FAR1: variants seen among roughly 807,000 people sequenced by gnomAD.
The protein encoded by FAR1 is fatty acyl-CoA reductase 1.
A neutral mutation model predicts 61.1 loss-of-function variants in FAR1; 22 were observed. That is an observed-to-expected ratio of 0.36 (90% CI 0.26 to 0.51). The LOEUF (loss-of-function observed/expected upper bound fraction) is 0.51, where lower values mean the gene tolerates loss of function less well. FAR1 is among the 20% of genes least tolerant of loss of function. The probability of loss-of-function intolerance (pLI) is 0.95; values close to 1 mark genes in which losing one functional copy is unlikely to be tolerated. For missense variants in FAR1, 359 were observed against 626.9 expected (o/e 0.57, Z 4.56); for synonymous variants, 206 against 209.7 (o/e 0.98, Z 0.15).
At chr11:13,682,836 T>C (rs1394075272) in intron 1 of FAR1, among the ~76,000 whole-genome samples, 1 of 152,034 alleles carries the variant, frequency 6.6e-6, no homozygotes, top group East Asian at 1.9e-4. Context: ...GGTCTCAAAC[T>C]CACGGGCTCA....
At chr11:13,711,156 G>A (rs1177017033) in intron 5 of FAR1, 6 of 355,962 alleles carry the variant, frequency 1.7e-5, no homozygotes, top group Non-Finnish European at 3.0e-5. Flanking sequence ...TTTCTTAGTA[G>A]CAAAAAGAGG....
rs762067788 is a variant in FAR1, at chr11:13,728,807, A to G, written c.*33A>G. 8 of 1,565,974 alleles carry G rather than the reference A, an allele frequency of 5.1e-6. No individual in the cohort carries two copies. The South Asian group carries it at 6.9e-5, about 14-fold the overall frequency. The stretch of plus-strand genomic sequence containing the variant: ...GGATTCAGCATTAGAACATCTATAC[A>G]TATGGTGATCTAAATGTACAAAATG... On this transcript the variant is annotated 3_prime_UTR_variant, in exon 12 of 12. Transcript: ENST00000354817.
chr11:13,708,951 C>G (rs1302310204), intron 4 of FAR1, among the ~76,000 whole-genome samples: 1 of 152,172 alleles, frequency 6.6e-6, no homozygotes, highest in African/African-American at 2.4e-5. Flanking sequence ...TGACCTTATT[C>G]TCATTTGCTG....
chr11:13,718,314 C>G (rs544900027), intron 9 of FAR1, among the ~76,000 whole-genome samples: 1 of 152,266 alleles, frequency 6.6e-6, no homozygotes, highest in East Asian at 1.9e-4. Context: ...TCAAATAGTT[C>G]ATTTTTTTAA....
chr11:13,711,351 G>C (rs907189861), intron 5 of FAR1, among the ~76,000 whole-genome samples: 96 of 152,028 alleles, frequency 6.3e-4, no homozygotes, highest in Non-Finnish European at 1.2e-3. Context: ...TTGTTGCTTT[G>C]ACAATTATTC....
At chr11:13,692,011 T>A (rs572627200) in intron 1 of FAR1, among the ~76,000 whole-genome samples, 1 of 152,046 alleles carries the variant, frequency 6.6e-6, no homozygotes, top group East Asian at 1.9e-4. Context: ...CTACTAAAAA[T>A]ACAAAAATTA....
At chr11:13,699,979 CTA>C (rs1302661983) in intron 2 of FAR1, among the ~76,000 whole-genome samples, 1 of 152,066 alleles carries the variant, frequency 6.6e-6, no homozygotes, top group East Asian at 1.9e-4. Flanking sequence ...GTCCTAATGT[CTA>C]TATTGCTGAA....
At chr11:13,692,711 T>C (rs1276534367) in intron 1 of FAR1, among the ~76,000 whole-genome samples, 4 of 152,232 alleles carry the variant, frequency 2.6e-5, no homozygotes, top group Non-Finnish European at 5.9e-5. Flanking sequence ...TTTAATAGTC[T>C]ATTTATTTAC....
chr11:13,708,446 C>CGT (rs1848460937), intron 4 of FAR1, among the ~76,000 whole-genome samples: 2 of 101,098 alleles, frequency 2.0e-5, no homozygotes, highest in African/African-American at 3.4e-5. Flanking sequence ...CGCGCGCGCG[C>CGT]GCACACACAC....
At chr11:13,703,496 C>T (rs1038072913) in intron 3 of FAR1, among the ~76,000 whole-genome samples, 2 of 152,164 alleles carry the variant, frequency 1.3e-5, no homozygotes, top group African/African-American at 2.4e-5. Context: ...AAGCCCAATA[C>T]CTTGGGAGAG....
At chr11:13,723,599 C>T (rs550051988) in intron 10 of FAR1, among the ~76,000 whole-genome samples, 1 of 152,158 alleles carries the variant, frequency 6.6e-6, no homozygotes, top group Admixed American at 6.5e-5. Context: ...GGTTTGGTGT[C>T]TTTAAGCAAT....
At chr11:13,703,993 A>C (rs11022940) in intron 3 of FAR1, among the ~76,000 whole-genome samples, 4,798 of 149,964 alleles carry the variant, frequency 0.032, 111 homozygotes, top group Non-Finnish European at 0.047. Context: ...GCAGTGAGCC[A>C]AGATCATGCC....
intron 1 of FAR1, among the ~76,000 whole-genome samples, chr11:13,675,589 A>G (rs1417746539): frequency 6.6e-6 from 1 of 152,232 alleles, no homozygotes; most frequent in Non-Finnish European, 1.5e-5. Context: ...CTTTGTGAAT[A>G]TATCACTGTT....
At chr11:13,701,300 A>C (rs1349463856) in intron 3 of FAR1, among the ~76,000 whole-genome samples, 1 of 152,156 alleles carries the variant, frequency 6.6e-6, no homozygotes, top group Non-Finnish European at 1.5e-5. Flanking sequence ...TAACAAAGAA[A>C]TGATAAGTGT....
intron 1 of FAR1, among the ~76,000 whole-genome samples, chr11:13,679,159 G>A (rs1296572638): frequency 6.6e-6 from 1 of 151,988 alleles, no homozygotes; most frequent in Non-Finnish European, 1.5e-5. Context: ...AGTTTGAAAA[G>A]CTCTGTCTTT....
rs1259715001 is a variant in FAR1, at chr11:13,728,889, G to A, written c.*115G>A. ...AGACATTAAACCATCTTAGATCGGA[G>A]TGTGAAGTAAATTATGGTATATTTT... On this transcript the variant is annotated 3_prime_UTR_variant, in exon 12 of 12. Transcript: ENST00000354817. 7 of 929,556 alleles carry A rather than the reference G, an allele frequency of 7.5e-6. No homozygotes were observed. The highest frequency in any genetic ancestry group is 5.0e-5 in the African/African-American group (3 of 60,564). The allele number at this position is 929,556 out of a possible 1,614,324, so 57.6% of individuals were successfully genotyped here.
chr11:13,718,948 CAG>C (rs976491989), intron 9 of FAR1, among the ~76,000 whole-genome samples: 6 of 152,108 alleles, frequency 3.9e-5, no homozygotes, highest in Admixed American at 2.6e-4. Context: ...ATGGCAGCCT[CAG>C]GGGGAGTTGG....
chr11:13,722,359 C>T (rs995183059), intron 10 of FAR1, among the ~76,000 whole-genome samples: 2 of 151,998 alleles, frequency 1.3e-5, no homozygotes, highest in Admixed American at 6.6e-5. Context: ...ATATTTATAG[C>T]CTCCTTCTTA....
At chr11:13,682,550 A>T (rs1848139753) in intron 1 of FAR1, among the ~76,000 whole-genome samples, 1 of 152,210 alleles carries the variant, frequency 6.6e-6, no homozygotes, top group South Asian at 2.1e-4. Context: ...CCCTTTACAG[A>T]AACCTTTGCC....
Sources: allele counts gnomAD v4.1 joint callset (sites outside exome capture counted in the v4.1 genomes callset), GRCh38; gene constraint gnomAD v4.1.1; transcripts MANE v1.5; gene names NCBI Gene and HGNC (gene_info 2026-07-23, HGNC 2026-07-21).